PCLO: variants seen among roughly 807,000 people sequenced by gnomAD.
PCLO encodes the protein piccolo presynaptic cytomatrix protein.
A neutral mutation model predicts 427.5 loss-of-function variants in PCLO; 82 were observed. The ratio of observed to expected loss-of-function variants is 0.19; its 90% confidence interval spans 0.16 to 0.23. The LOEUF is 0.23. Ranked by LOEUF, PCLO falls within the 10% of genes least tolerant of loss-of-function variation. The probability of loss-of-function intolerance (pLI) is 1.00; values close to 1 mark genes in which losing one functional copy is unlikely to be tolerated. For missense variants in PCLO, 6,239 were observed against 6,115.9 expected, an observed-to-expected ratio of 1.02 and a Z score of -0.67; for synonymous variants, 2,357 against 2,155.4, an observed-to-expected ratio of 1.09 and a Z score of -2.59.
chr7:83,107,712 T>TATAAAAAGAAAGAACTGGCC (rs373351780), intron 3 of PCLO, among the ~76,000 whole-genome samples: 24,519 of 67,648 alleles, frequency 0.36, 2,762 homozygotes, highest in Non-Finnish European at 0.41. Flanking sequence ...AAGAAGAGAA[T>TATAAAAAGAAAGAACTGGCC]ATGTGCGGTG....
At position 83,085,061 on chromosome 7, in the gene PCLO, G is replaced by A. The variant is rs188169863; in HGVS notation, c.3300+49189C>T. Among the ~76,000 whole-genome samples the A allele has an allele frequency of 2.0e-5, 3 of 152,212 alleles. No homozygotes were observed. The East Asian group carries it at 5.8e-4, about 30-fold the overall frequency. ...AAAAGAAAATCAACTTGTCTTCCCT[G>A]TGTGCTTATCGTGGTTGGCTCAAAG... On this transcript the variant is annotated intron_variant, in intron 3 of 24. Coordinates refer to ENST00000333891, the MANE Select transcript of PCLO (RefSeq NM_033026.6).
intron 3 of PCLO, among the ~76,000 whole-genome samples, chr7:82,995,617 T>C (rs1796477423): frequency 6.6e-6 from 1 of 152,002 alleles, no homozygotes; most frequent in African/African-American, 2.4e-5. Flanking sequence ...GCAATATATT[T>C]GTGACACTTT....
chr7:83,049,773 T>C (rs1161002491), intron 3 of PCLO, among the ~76,000 whole-genome samples: 1 of 152,126 alleles, frequency 6.6e-6, no homozygotes, highest in Non-Finnish European at 1.5e-5. Flanking sequence ...CTGGGCCTAC[T>C]GCAGAGATAA....
intron 3 of PCLO, among the ~76,000 whole-genome samples, chr7:83,028,689 G>C (rs1419415504): frequency 6.6e-6 from 1 of 151,130 alleles, no homozygotes; most frequent in South Asian, 2.1e-4. Context: ...GAGGCATCAC[G>C]CTACCTGACT....
intron 9 of PCLO, among the ~76,000 whole-genome samples, chr7:82,899,795 A>G (rs1055411191): frequency 6.6e-5 from 10 of 151,638 alleles, no homozygotes; most frequent in Non-Finnish European, 1.5e-4. Context: ...AAGTAAAATA[A>G]TAACTAAAGA....
intron 22 of PCLO, among the ~76,000 whole-genome samples, chr7:82,789,604 C>A (rs1212407872): frequency 6.6e-6 from 1 of 152,126 alleles, no homozygotes; most frequent in African/African-American, 2.4e-5. Context: ...ACTCGGGAGG[C>A]TGAGGCAGGA....
At chr7:83,050,271 TAAAAA>T (rs60841081) in intron 3 of PCLO, among the ~76,000 whole-genome samples, 23,249 of 94,594 alleles carry the variant, frequency 0.25, 3,283 homozygotes, top group East Asian at 0.63. Context: ...AAGTGCTTTT[TAAAAA>T]AAAAAAAAAA....
chr7:83,026,554 A>G (rs889355018), intron 3 of PCLO, among the ~76,000 whole-genome samples: 30 of 151,162 alleles, frequency 2.0e-4, no homozygotes, highest in Non-Finnish European at 2.4e-4. Context: ...AACGAGACAG[A>G]AAGTCAACAA....
At chr7:82,879,213 C>A (rs1793442151) in intron 10 of PCLO, 124 bp downstream of exon 10, 2 of 702,566 alleles carry the variant, frequency 2.8e-6, no homozygotes, top group Non-Finnish European at 4.3e-6. Context: ...CAAAATTTCA[C>A]AACTAACCAT....
rs771089157 is a variant in PCLO at position 82,909,021 on chromosome 7, C to G, written c.13301-8G>C. 4 of 1,611,862 alleles carry G rather than the reference C, an allele frequency of 2.5e-6. No homozygotes were observed. Among genetic ancestry groups the G allele is most frequent in the Non-Finnish European group, 3.4e-6 (4 of 1,178,770 alleles). On this transcript the variant is annotated splice_polypyrimidine_tract_variant and splice_region_variant and intron_variant, in intron 7 of 24. Coordinates refer to ENST00000333891, the MANE Select transcript of PCLO (RefSeq NM_033026.6). ...CACGACGCAGATGATAGGCTTTGGA[C>G]ACCAAGGAAACATCATACATTGCAA...
intron 3 of PCLO, among the ~76,000 whole-genome samples, chr7:83,030,119 G>GA (rs199609017): frequency 0.26 from 27,003 of 102,794 alleles, 2,673 homozygotes; most frequent in Non-Finnish European, 0.34. Context: ...AATAATAAAA[G>GA]AAAAAAAAAA....
chr7:82,988,434 G>C (rs1796302786), intron 3 of PCLO, among the ~76,000 whole-genome samples: 1 of 152,054 alleles, frequency 6.6e-6, no homozygotes, highest in South Asian at 2.1e-4. Flanking sequence ...CCAATCTATT[G>C]TTCTATAAAT....
At chr7:82,788,468 G>T (rs1488994873) in intron 22 of PCLO, among the ~76,000 whole-genome samples, 1 of 151,796 alleles carries the variant, frequency 6.6e-6, no homozygotes, top group East Asian at 1.9e-4. Context: ...AGCGAACTTT[G>T]TGAAATGCAT....
In PCLO at chr7:83,135,584, A is replaced by C. The variant is rs111588909; in HGVS notation, c.1966T>G (p.Ser656Ala). 4.5e-4 allele frequency: 727 copies of C among 1,613,462 alleles called. 8 individuals carry two copies. In the African/African-American group the frequency reaches 6.6e-3, roughly 15 times the overall value. The change falls in exon 3 of 25, where the codon TCA becomes GCA. Residue 656 changes from serine to alanine, a missense_variant. Ser to Ala is a moderately conservative substitution (Grantham distance 99, BLOSUM62 1). Transcript: ENST00000333891. ...GCAGTCTTCAGTTTGGGCTGGGGTG[A>C]TGACGGAACTGGAGCCAGATCCCCG... is the stretch of plus-strand genomic sequence containing the variant. ...LGGDLAPVPS[S>A]PQPKLKTAPV...
chr7:83,025,678 G>GA (rs1354740010), intron 3 of PCLO, among the ~76,000 whole-genome samples: 1 of 151,452 alleles, frequency 6.6e-6, no homozygotes, highest in Non-Finnish European at 1.5e-5. Context: ...TGAAATGAAG[G>GA]AAAAAATGTT....
At chr7:82,994,638 G>T (rs1379050355) in intron 3 of PCLO, among the ~76,000 whole-genome samples, 1 of 142,076 alleles carries the variant, frequency 7.0e-6, no homozygotes, top group East Asian at 2.1e-4. Flanking sequence ...TATTTATGGG[G>T]TATATGAGAT....
At chr7:82,981,788 A>T (rs10487653) in intron 3 of PCLO, among the ~76,000 whole-genome samples, 11,227 of 152,204 alleles carry the variant, frequency 0.074, 1,409 homozygotes, top group African/African-American at 0.26. Flanking sequence ...AAATGAAAAG[A>T]AGTCCTAGAA....
chr7:83,036,530 T>A (rs568956770), intron 3 of PCLO, among the ~76,000 whole-genome samples: 16 of 152,232 alleles, frequency 1.1e-4, no homozygotes, highest in African/African-American at 3.8e-4. Flanking sequence ...GCTTTTCTTA[T>A]CGTAGAAGCA....
At position 83,055,416 on chromosome 7, in the gene PCLO, G is replaced by A. The variant is rs148471205; in HGVS notation, c.3300+78834C>T. 7.8e-4 allele frequency among the ~76,000 whole-genome samples: 119 copies of A among 152,226 alleles called. 1 individual carries two copies. Among genetic ancestry groups the A allele is most frequent in the African/African-American group, 2.5e-3 (103 of 41,562 alleles). ...GACCTGTTATTATTTTGGGAACTAA[G>A]GGAGCCTTATGAAGACTCTATTTTA... is the stretch of plus-strand genomic sequence containing the variant. On this transcript the variant is annotated intron_variant, in intron 3 of 24. Transcript: ENST00000333891.
Sources: allele counts gnomAD v4.1 joint callset (sites outside exome capture counted in the v4.1 genomes callset), GRCh38; gene constraint gnomAD v4.1.1; transcripts MANE v1.5; gene names NCBI Gene and HGNC (gene_info 2026-07-23, HGNC 2026-07-21).